The following CPNE4 variants were observed in gnomAD, a reference collection of about 807,000 sequenced individuals.
The protein encoded by CPNE4 is copine-4.
A neutral mutation model predicts 67.9 loss-of-function variants in CPNE4; 25 were observed. The observed-to-expected ratio is 0.37, with a 90% CI of 0.27 to 0.51. The LOEUF is 0.51. Among genes scored for constraint, CPNE4 ranks in the 20% least tolerant of loss-of-function variants. The pLI, the probability that CPNE4 is intolerant of heterozygous loss-of-function variation, is 0.93. For missense variants in CPNE4, 464 were observed against 690.8 expected, an observed-to-expected ratio of 0.67 and a Z score of 3.68; for synonymous variants, 242 against 244.9, an observed-to-expected ratio of 0.99 and a Z score of 0.11.
At chr3:131,948,122 GT>G (rs1189036800) in intron 1 of CPNE4, among the ~76,000 whole-genome samples, 1 of 151,996 alleles carries the variant, frequency 6.6e-6, no homozygotes, top group Non-Finnish European at 1.5e-5. Flanking sequence ...TTTATTCTTA[GT>G]TTTTTTATTC....
chr3:131,679,369 A>C (rs928175322), intron 6 of CPNE4, among the ~76,000 whole-genome samples: 1 of 151,872 alleles, frequency 6.6e-6, no homozygotes, highest in East Asian at 1.9e-4. Flanking sequence ...TATTATTAAA[A>C]AAAAACCTGC....
intron 2 of CPNE4, among the ~76,000 whole-genome samples, chr3:131,900,942 G>T (rs1325816486): frequency 6.6e-6 from 1 of 152,154 alleles, no homozygotes; most frequent in African/African-American, 2.4e-5. Flanking sequence ...TTCCAAGAAA[G>T]ATCTCAATGA....
rs1193406044 is a variant in CPNE4, at chr3:131,934,412, GTATTT to G, written c.-1-28973_-1-28969del. Among the ~76,000 whole-genome samples, 3 of 152,194 alleles carry G rather than the reference GTATTT, an allele frequency of 2.0e-5. No individual in the cohort carries two copies. The East Asian group carries it at 5.8e-4, about 29-fold the overall frequency. On this transcript the variant is annotated intron_variant, in intron 1 of 15. Coordinates refer to ENST00000429747, the MANE Select transcript of CPNE4 (RefSeq NM_130808.3). ...CTAAAAGGTGCAAGATCAAGGGAAA[GTATTT>G]TATTTTTTAATCATACTTTAAGTTC...
At chr3:131,921,381 T>C (rs1189715738) in intron 1 of CPNE4, among the ~76,000 whole-genome samples, 1 of 152,154 alleles carries the variant, frequency 6.6e-6, no homozygotes, top group Non-Finnish European at 1.5e-5. Flanking sequence ...CTAAGACCCC[T>C]AAAATTCAAC....
intron 2 of CPNE4, among the ~76,000 whole-genome samples, chr3:131,841,252 C>A (rs763226950): frequency 1.3e-5 from 2 of 152,212 alleles, no homozygotes; most frequent in Non-Finnish European, 2.9e-5. Context: ...CTTTCACTGT[C>A]ATGAGGCAAA....
At chr3:131,927,709 C>T (rs1423934730) in intron 1 of CPNE4, among the ~76,000 whole-genome samples, 2 of 152,144 alleles carry the variant, frequency 1.3e-5, no homozygotes, top group South Asian at 2.1e-4. Flanking sequence ...TTCAGCAGGA[C>T]AGTTTATCCT....
chr3:131,668,600 G>A (rs1311481507), intron 7 of CPNE4, among the ~76,000 whole-genome samples: 2 of 152,116 alleles, frequency 1.3e-5, no homozygotes, highest in Non-Finnish European at 2.9e-5. Context: ...CTGCTTGATG[G>A]TTGTGTTTTT....
chr3:131,616,972 A>T (rs1187926696), intron 7 of CPNE4, among the ~76,000 whole-genome samples: 1 of 152,152 alleles, frequency 6.6e-6, no homozygotes. Context: ...TGCTGCTAAC[A>T]AGCACAGCTG....
intron 1 of CPNE4, among the ~76,000 whole-genome samples, chr3:131,937,539 C>G (rs529648712): frequency 1.5e-4 from 23 of 152,152 alleles, no homozygotes; most frequent in African/African-American, 5.5e-4. Context: ...TATGAGATGA[C>G]TGAGGAAAGT....
chr3:131,617,597 A>G (rs562222024), intron 7 of CPNE4, among the ~76,000 whole-genome samples: 1 of 152,348 alleles, frequency 6.6e-6, no homozygotes, highest in South Asian at 2.1e-4. Context: ...GATCTTTATC[A>G]TAACCCTCAC....
chr3:131,848,642 G>C (rs1371689001), intron 2 of CPNE4, among the ~76,000 whole-genome samples: 1 of 145,936 alleles, frequency 6.9e-6, no homozygotes. Context: ...ATTTTCTTAG[G>C]TGATTAGTAA....
chr3:131,627,204 A>AAAAG (rs2079099402), intron 7 of CPNE4, among the ~76,000 whole-genome samples: 1 of 151,456 alleles, frequency 6.6e-6, no homozygotes, highest in Non-Finnish European at 1.5e-5. Flanking sequence ...AAAAAAAAAA[A>AAAAG]AAAAAAGAAA....
At chr3:131,570,463 T>C (rs890425581) in intron 10 of CPNE4, among the ~76,000 whole-genome samples, 5 of 152,088 alleles carry the variant, frequency 3.3e-5, no homozygotes, top group Non-Finnish European at 5.9e-5. Flanking sequence ...ATTAGGTATA[T>C]CTCCCCCATT....
intron 2 of CPNE4, among the ~76,000 whole-genome samples, chr3:131,854,984 G>T (rs370436826): frequency 2.0e-5 from 3 of 151,984 alleles, no homozygotes; most frequent in Admixed American, 2.0e-4. Context: ...TTCTCCATGG[G>T]CCTGCACAAG....
chr3:131,749,047 T>A (rs1460934130), intron 2 of CPNE4, among the ~76,000 whole-genome samples: 1 of 152,050 alleles, frequency 6.6e-6, no homozygotes, highest in Non-Finnish European at 1.5e-5. Context: ...TGATTTGAGG[T>A]TTTTCCTCTT....
intron 2 of CPNE4, among the ~76,000 whole-genome samples, chr3:131,731,430 G>A (rs1279649448): frequency 6.6e-6 from 1 of 152,122 alleles, no homozygotes; most frequent in Admixed American, 6.5e-5. Flanking sequence ...TCAAGCTGCT[G>A]GCTCCATCCA....
intron 7 of CPNE4, among the ~76,000 whole-genome samples, chr3:131,623,382 C>T (rs1940579781): frequency 6.6e-6 from 1 of 152,114 alleles, no homozygotes; most frequent in Admixed American, 6.5e-5. Context: ...TATCTCCCCT[C>T]CCTCCTCAAA....
chr3:131,559,833 T>C (rs1311227494), intron 11 of CPNE4, among the ~76,000 whole-genome samples: 3 of 152,044 alleles, frequency 2.0e-5, no homozygotes, highest in Non-Finnish European at 4.4e-5. Context: ...TTACGGCATT[T>C]AGATTCCACT....
chr3:132,035,601 T>C (rs2074325877), upstream of CPNE4, among the ~76,000 whole-genome samples: 1 of 152,204 alleles, frequency 6.6e-6, no homozygotes, highest in Non-Finnish European at 1.5e-5. Context: ...ATATGCTGTC[T>C]TATGTAAGGG....
Sources: allele counts gnomAD v4.1 joint callset (sites outside exome capture counted in the v4.1 genomes callset), GRCh38; gene constraint gnomAD v4.1.1; transcripts MANE v1.5; gene names NCBI Gene and HGNC (gene_info 2026-07-23, HGNC 2026-07-21).